Variants in KYNU observed in about 807,000 individuals in gnomAD.
The protein encoded by KYNU is L-kynurenine hydrolase.
Under a neutral mutation model 59.2 loss-of-function variants are expected in KYNU, and 54 were observed. The observed-to-expected ratio is 0.91, with a 90% confidence interval of 0.73 to 1.14. KYNU has a LOEUF of 1.14. KYNU is among the 50% of genes most tolerant of loss of function. KYNU has a pLI of 0.00. For synonymous variants in KYNU, 177 were observed against 192.0 expected (o/e 0.92, Z 0.65); for missense variants, 567 against 554.4 (o/e 1.02, Z -0.23).
At chr2:142,940,390 G>A (rs2105048364) in intron 4 of KYNU, among the ~76,000 whole-genome samples, 1 of 152,278 alleles carries the variant, frequency 6.6e-6, no homozygotes, top group South Asian at 2.1e-4. Context: ...GTGGTAAAGT[G>A]ATATTATTCA....
chr2:143,041,822 A>G (rs1034653174), intron 13 of KYNU, among the ~76,000 whole-genome samples: 5 of 151,986 alleles, frequency 3.3e-5, no homozygotes, highest in African/African-American at 1.2e-4. Context: ...TCAGGAATCT[A>G]TCTTGGCTAT....
chr2:142,885,850 T>G (rs965941632), intron 2 of KYNU, among the ~76,000 whole-genome samples: 6 of 152,222 alleles, frequency 3.9e-5, no homozygotes, highest in African/African-American at 1.4e-4. Context: ...GCACTTGGGA[T>G]TCAAAGCAAT....
chr2:142,931,118 C>T (rs1683196837), intron 4 of KYNU, among the ~76,000 whole-genome samples: 1 of 152,200 alleles, frequency 6.6e-6, no homozygotes, highest in South Asian at 2.1e-4. Flanking sequence ...CGGCTCTCTT[C>T]CTGCTTCTGA....
At chr2:142,937,791 C>T (rs1683441866) in intron 4 of KYNU, among the ~76,000 whole-genome samples, 1 of 152,292 alleles carries the variant, frequency 6.6e-6, no homozygotes, top group East Asian at 1.9e-4. Context: ...CTGCTTATGC[C>T]TCCATTTAGG....
chr2:142,977,544 A>G (rs1684930744), intron 8 of KYNU, among the ~76,000 whole-genome samples: 1 of 151,844 alleles, frequency 6.6e-6, no homozygotes, highest in Admixed American at 6.6e-5. Flanking sequence ...CTGAAGCTCC[A>G]CTTGAAGATT....
At chr2:143,036,224 G>C (rs184509710) in intron 12 of KYNU, among the ~76,000 whole-genome samples, 310 of 152,010 alleles carry the variant, frequency 2.0e-3, no homozygotes, top group African/African-American at 6.6e-3. Context: ...ATTTAGTAAG[G>C]CCATTTTTAC....
intron 10 of KYNU, among the ~76,000 whole-genome samples, chr2:143,024,732 A>G (rs1383099516): frequency 1.3e-5 from 2 of 152,108 alleles, no homozygotes; most frequent in Non-Finnish European, 2.9e-5. Context: ...ATTCTGAGTT[A>G]ATCGCTCCCA....
chr2:142,972,952 A>C (rs1684775571), intron 8 of KYNU, among the ~76,000 whole-genome samples: 2 of 149,406 alleles, frequency 1.3e-5, no homozygotes, highest in Admixed American at 1.3e-4. Context: ...AAAAGAAAGG[A>C]CCAAGAAAAA....
chr2:143,043,533 T>A lies in KYNU; in HGVS notation c.*1361T>A, dbSNP rs1403435071. On this transcript the variant is annotated 3_prime_UTR_variant, in exon 14 of 14. Coordinates refer to ENST00000264170, the MANE Select transcript of KYNU (RefSeq NM_003937.3). ...GAACTCCAACATCAACACCTACCAA[T>A]ACCAGTAACTACTGATATTTATCAT... The A allele has an allele frequency of 6.6e-6, 1 of 151,702 alleles. No homozygotes were observed. Among genetic ancestry groups the A allele is most frequent in the East Asian group, 1.9e-4 (1 of 5,172 alleles). The allele number at this position is 151,702 out of a possible 1,614,324, so 9.4% of individuals were successfully genotyped here. A position where few individuals can be genotyped will look rare whatever the true frequency, so the allele number is the denominator to read the frequency against.
intron 2 of KYNU, among the ~76,000 whole-genome samples, chr2:142,895,922 T>C (rs1681860109): frequency 6.6e-6 from 1 of 152,176 alleles, no homozygotes; most frequent in Non-Finnish European, 1.5e-5. Flanking sequence ...GCTCAAGCAG[T>C]CCTTATTCCT....
chr2:143,051,093 A>G lies in KYNU; in HGVS notation c.*8921A>G, dbSNP rs1687258969. 1.3e-5 allele frequency: 2 copies of G among 152,208 alleles called. No individual in the cohort carries two copies. The highest frequency in any genetic ancestry group is 4.8e-5 in the African/African-American group (2 of 41,466). The allele number at this position is 152,208 out of a possible 1,614,324, so 9.4% of individuals were successfully genotyped here. ...GTCTCAAATAACACAATAATAATGG[A>G]GGTCATTGTGAAGTAGTGGATGTAA... On this transcript the variant is annotated 3_prime_UTR_variant, in exon 14 of 14. Transcript: ENST00000264170.
chr2:142,917,655 A>G (rs1238570310), intron 2 of KYNU, among the ~76,000 whole-genome samples: 1 of 152,196 alleles, frequency 6.6e-6, no homozygotes, highest in Non-Finnish European at 1.5e-5. Context: ...TCCTAGATCC[A>G]GGAAATAATG....
chr2:142,997,617 C>A (rs1685580749), intron 10 of KYNU, among the ~76,000 whole-genome samples: 1 of 152,252 alleles, frequency 6.6e-6, no homozygotes, highest in East Asian at 1.9e-4. Flanking sequence ...ATTAAAGAAA[C>A]TTATGACAGC....
intron 7 of KYNU, among the ~76,000 whole-genome samples, chr2:142,960,250 A>C (rs910796314): frequency 2.0e-5 from 3 of 152,176 alleles, no homozygotes; most frequent in Non-Finnish European, 4.4e-5. Flanking sequence ...AATTTCTGAT[A>C]ATTTATCTTG....
At chr2:143,031,821 A>T (rs1686751374) in intron 11 of KYNU, among the ~76,000 whole-genome samples, 1 of 152,194 alleles carries the variant, frequency 6.6e-6, no homozygotes, top group South Asian at 2.1e-4. Flanking sequence ...ACCACCTGAG[A>T]CTCAGTAATT....
intron 4 of KYNU, among the ~76,000 whole-genome samples, chr2:142,942,710 T>C (rs1471683630): frequency 6.6e-6 from 1 of 152,190 alleles, no homozygotes; most frequent in Non-Finnish European, 1.5e-5. Context: ...AGAAGTAAAG[T>C]ATACTTGAAA....
intron 7 of KYNU, among the ~76,000 whole-genome samples, chr2:142,958,700 A>AGT (rs976573393): frequency 2.0e-5 from 3 of 152,198 alleles, no homozygotes; most frequent in East Asian, 3.8e-4. Flanking sequence ...AATATTGTGG[A>AGT]GTTTCATGAG....
chr2:143,041,034 A>G (rs1408295948), intron 13 of KYNU, among the ~76,000 whole-genome samples: 2 of 152,108 alleles, frequency 1.3e-5, no homozygotes. Flanking sequence ...CAATTTATTG[A>G]AGGGTTAAAA....
At chr2:142,973,278 A>C (rs1487157441) in intron 8 of KYNU, among the ~76,000 whole-genome samples, 3 of 152,000 alleles carry the variant, frequency 2.0e-5, no homozygotes, top group African/African-American at 7.2e-5. Context: ...TTGAAAACTC[A>C]CAAGTTTTAC....
Sources: gnomAD v4.1 joint callset for allele counts (sites outside exome capture counted in the v4.1 genomes callset) on GRCh38, gnomAD v4.1.1 for gene constraint, MANE v1.5 for transcripts, NCBI Gene and HGNC (gene_info 2026-07-23, HGNC 2026-07-21) for gene names.